C19orf18: variants seen among roughly 807,000 people sequenced by gnomAD.
C19orf18 encodes uncharacterized protein C19orf18.
In C19orf18, 21 loss-of-function variants were observed where a neutral mutation model predicts 23.3. The ratio of observed to expected loss-of-function variants is 0.90; its 90% CI spans 0.64 to 1.30. The LOEUF is 1.30. Among genes scored for constraint, C19orf18 ranks in the 50% most tolerant of loss-of-function variants. The probability of loss-of-function intolerance (pLI) is 0.00; values close to 1 mark genes in which losing one functional copy is unlikely to be tolerated. For synonymous variants in C19orf18, 96 were observed against 95.2 expected, an observed-to-expected ratio of 1.01 and a Z score of -0.05; for missense variants, 249 against 259.6, an observed-to-expected ratio of 0.96 and a Z score of 0.28.
intron 3 of C19orf18, among the ~76,000 whole-genome samples, chr19:57,971,455 C>T (rs1314276259): frequency 2.2e-5 from 3 of 139,140 alleles, no homozygotes; most frequent in South Asian, 2.6e-4. Flanking sequence ...TACCTGCCTT[C>T]CTGTAAAAAC....
intron 3 of C19orf18, among the ~76,000 whole-genome samples, chr19:57,969,582 A>AAAAAAAAAAAAAAAAAAAAAG (rs2072931509): frequency 6.8e-6 from 1 of 148,128 alleles, no homozygotes; most frequent in South Asian, 2.1e-4. Context: ...AAAAAAAAAA[A>AAAAAAAAAAAAAAAAAAAAAG]AAAAAAAAAA....
chr19:57,964,743 T>A (rs895894183), intron 4 of C19orf18, among the ~76,000 whole-genome samples: 1 of 152,206 alleles, frequency 6.6e-6, no homozygotes, highest in African/African-American at 2.4e-5. Context: ...AGAAAATATC[T>A]CACACATGGC....
At position 57,961,392 on chromosome 19, in the gene C19orf18, T is replaced by A; in HGVS notation, c.531A>T (p.Ser177=). 6.2e-7 allele frequency: 1 copy of A among 1,612,848 alleles called. No homozygotes were observed. Among genetic ancestry groups the A allele is most frequent in the Non-Finnish European group, 8.5e-7 (1 of 1,179,550 alleles). ...AATAGCTCTTACAGGTCACACTACC[T>A]GAGTGGATGAACTTTTCCAGCTCAT... ...NENELEKFIH[S]VIISKRSKNI... The change falls in exon 5 of 6, where the codon TCA becomes TCT. Residue 177 remains serine, a splice_region_variant and synonymous_variant. Transcript: ENST00000314391.
At chr19:57,963,025 ATT>A (rs1240503714) in intron 4 of C19orf18, among the ~76,000 whole-genome samples, 11 of 131,188 alleles carry the variant, frequency 8.4e-5, no homozygotes, top group Admixed American at 2.3e-4. Flanking sequence ...TTTTAACTCA[ATT>A]TTTTTTTTTT....
chr19:57,974,361 C>T lies in C19orf18; in HGVS notation c.72G>A (p.Leu24=), dbSNP rs772566278. 7 of 1,614,040 alleles carry T rather than the reference C, an allele frequency of 4.3e-6. No homozygotes were observed. The East Asian group carries it at 1.6e-4, about 36-fold the overall frequency. Residue 24 remains leucine (L), a synonymous_variant, in exon 1 of 6, where the codon TTG becomes TTA. Coordinates refer to ENST00000314391, the MANE Select transcript of C19orf18 (RefSeq NM_152474.5). ...FLMECQLHLC[L]PYADGLHPTG... The stretch of plus-strand genomic sequence containing the variant: ...TGGGATGGAGTCCATCTGCATACGG[C>T]AAGCATAAATGAAGTTGGCATTCCA...
At chr19:57,961,353 T>C (rs1430805037) in intron 5 of C19orf18, 38 bp downstream of exon 5, 1 of 1,540,028 alleles carries the variant, frequency 6.5e-7, no homozygotes, top group Non-Finnish European at 8.8e-7. Flanking sequence ...CGCTGCCAGC[T>C]TGGCTTTCCT....
chr19:57,963,249 G>A (rs770852749), intron 4 of C19orf18, among the ~76,000 whole-genome samples: 4 of 151,696 alleles, frequency 2.6e-5, no homozygotes, highest in Non-Finnish European at 4.4e-5. Context: ...GGCTGGTCTC[G>A]AACTCCCAAC....
chr19:57,961,183 A>C (rs774352976), intron 5 of C19orf18, among the ~76,000 whole-genome samples: 3 of 151,832 alleles, frequency 2.0e-5, no homozygotes, highest in Non-Finnish European at 4.4e-5. Flanking sequence ...TGCAGTGAGC[A>C]GAGATCGCGC....
intron 3 of C19orf18, among the ~76,000 whole-genome samples, chr19:57,967,394 G>A (rs1384758016): frequency 1.3e-5 from 2 of 152,174 alleles, no homozygotes; most frequent in Admixed American, 6.5e-5. Flanking sequence ...AGAGTGAATC[G>A]TGATACTACG....
chr19:57,961,296 G>C, intron 5 of C19orf18, 95 bp downstream of exon 5: 1 of 1,261,270 alleles, frequency 7.9e-7, no homozygotes, highest in Non-Finnish European at 1.1e-6. Context: ...AGAAAGAAAA[G>C]AAATGCAAGC....
intron 4 of C19orf18, among the ~76,000 whole-genome samples, chr19:57,964,024 A>C (rs1372291483): frequency 6.6e-6 from 1 of 152,196 alleles, no homozygotes; most frequent in Non-Finnish European, 1.5e-5. Flanking sequence ...AAAATGAACC[A>C]CTAAAAATTA....
chr19:57,966,833 T>C (rs1206395883), intron 3 of C19orf18, among the ~76,000 whole-genome samples: 2 of 151,866 alleles, frequency 1.3e-5, no homozygotes, highest in Admixed American at 6.6e-5. Context: ...GTGCAGTGCA[T>C]GATCACAGCT....
At chr19:57,964,074 T>C (rs926559601) in intron 4 of C19orf18, among the ~76,000 whole-genome samples, 4 of 152,158 alleles carry the variant, frequency 2.6e-5, no homozygotes, top group Non-Finnish European at 5.9e-5. Flanking sequence ...TTTGTTTTTT[T>C]TGTTTGTTTT....
At chr19:57,974,045 G>T in intron 2 of C19orf18, 54 bp downstream of exon 2, 1 of 1,544,644 alleles carries the variant, frequency 6.5e-7, no homozygotes, top group Non-Finnish European at 8.9e-7. Flanking sequence ...TGGCAGATAA[G>T]AGGACTCCAG....
At chr19:57,960,600 G>T (rs2072862070) in intron 5 of C19orf18, among the ~76,000 whole-genome samples, 1 of 152,106 alleles carries the variant, frequency 6.6e-6, no homozygotes, top group Non-Finnish European at 1.5e-5. Context: ...ACGTCAGATG[G>T]AGACAGATGG....
chr19:57,962,583 C>T (rs923648485), intron 4 of C19orf18, among the ~76,000 whole-genome samples: 11 of 152,228 alleles, frequency 7.2e-5, no homozygotes, highest in African/African-American at 2.4e-4. Context: ...GGGCCAGGCG[C>T]GGTGGCTCAC....
chr19:57,967,381 G>C (rs1281843664), intron 3 of C19orf18, among the ~76,000 whole-genome samples: 1 of 152,218 alleles, frequency 6.6e-6, no homozygotes, highest in Non-Finnish European at 1.5e-5. Context: ...GAATGGGAAT[G>C]AAAGAGTGAA....
intron 3 of C19orf18, among the ~76,000 whole-genome samples, chr19:57,972,122 A>G (rs987425674): frequency 5.3e-5 from 8 of 152,168 alleles, no homozygotes; most frequent in East Asian, 1.9e-4. Flanking sequence ...AGAGGTGTTG[A>G]GGAGGTTCCA....
At chr19:57,972,948 G>A (rs980181269) in intron 2 of C19orf18, among the ~76,000 whole-genome samples, 1 of 151,864 alleles carries the variant, frequency 6.6e-6, no homozygotes, top group Non-Finnish European at 1.5e-5. Flanking sequence ...AGGAGTTCGA[G>A]ACCAGCCTGA....
Sources: allele counts gnomAD v4.1 joint callset (sites outside exome capture counted in the v4.1 genomes callset), GRCh38; gene constraint gnomAD v4.1.1; transcripts MANE v1.5; gene names NCBI Gene and HGNC (gene_info 2026-07-23, HGNC 2026-07-21).